Variants in GPC6 observed in about 807,000 individuals in gnomAD.
GPC6 encodes glypican-6.
In GPC6, 14 loss-of-function variants were observed where a neutral mutation model predicts 55.2. The ratio of observed to expected loss-of-function variants is 0.25; its 90% CI spans 0.17 to 0.40. The LOEUF (loss-of-function observed/expected upper bound fraction) is 0.40, where lower values mean the gene tolerates loss of function less well. Among genes scored for constraint, GPC6 ranks in the 10% least tolerant of loss-of-function variants. GPC6 has a pLI of 1.00. For missense variants in GPC6, 641 were observed against 708.5 expected, an observed-to-expected ratio of 0.90 and a Z score of 1.08; for synonymous variants, 278 against 259.6, an observed-to-expected ratio of 1.07 and a Z score of -0.68.
intron 1 of GPC6, among the ~76,000 whole-genome samples, chr13:93,238,129 G>T (rs546913169): frequency 6.6e-6 from 1 of 152,192 alleles, no homozygotes; most frequent in Non-Finnish European, 1.5e-5. Context: ...GATAGAAATT[G>T]CATTGAATCT....
chr13:94,198,550 AAT>A (rs1261410828), intron 4 of GPC6, among the ~76,000 whole-genome samples: 1 of 152,224 alleles, frequency 6.6e-6, no homozygotes, highest in African/African-American at 2.4e-5. Flanking sequence ...CACATGAAAT[AAT>A]ATAAGCTGGA....
chr13:93,938,198 C>T (rs975977225), intron 3 of GPC6, among the ~76,000 whole-genome samples: 40 of 152,138 alleles, frequency 2.6e-4, no homozygotes, highest in Middle Eastern at 3.4e-3. Context: ...AATAGTCAAA[C>T]AAAAAACTCT....
intron 4 of GPC6, among the ~76,000 whole-genome samples, chr13:94,125,518 T>C (rs1886776922): frequency 6.6e-6 from 1 of 152,126 alleles, no homozygotes; most frequent in African/African-American, 2.4e-5. Flanking sequence ...AATATAGTTA[T>C]TCATTTTGAA....
intron 1 of GPC6, among the ~76,000 whole-genome samples, chr13:93,326,890 A>C (rs1419984239): frequency 6.6e-6 from 1 of 152,208 alleles, no homozygotes; most frequent in Non-Finnish European, 1.5e-5. Context: ...AGAAGATAGC[A>C]AATGTCATTT....
At chr13:93,230,534 C>T (rs1353389538) in intron 1 of GPC6, among the ~76,000 whole-genome samples, 1 of 152,070 alleles carries the variant, frequency 6.6e-6, no homozygotes, top group Admixed American at 6.5e-5. Flanking sequence ...CTCTTGATCC[C>T]CTTTCAGCAA....
chr13:93,791,762 A>C (rs1886042339), intron 2 of GPC6, among the ~76,000 whole-genome samples: 2 of 152,230 alleles, frequency 1.3e-5, no homozygotes, highest in Admixed American at 1.3e-4. Flanking sequence ...TTGGAAGACT[A>C]TTCCTGGGGC....
chr13:93,925,653 GACA>G (rs1877819101), intron 3 of GPC6, among the ~76,000 whole-genome samples: 1 of 152,148 alleles, frequency 6.6e-6, no homozygotes, highest in Non-Finnish European at 1.5e-5. Context: ...TGTGGCATAA[GACA>G]ACAACCATAT....
At chr13:93,935,794 C>A (rs1007813608) in intron 3 of GPC6, among the ~76,000 whole-genome samples, 2 of 151,994 alleles carry the variant, frequency 1.3e-5, no homozygotes, top group Non-Finnish European at 2.9e-5. Flanking sequence ...CATTTCATAC[C>A]CCTCAGGCAG....
intron 4 of GPC6, among the ~76,000 whole-genome samples, chr13:94,164,375 A>T (rs1481966770): frequency 1.3e-5 from 2 of 152,190 alleles, no homozygotes; most frequent in Non-Finnish European, 2.9e-5. Flanking sequence ...CCAAATGAGA[A>T]AACTCAGGCC....
intron 3 of GPC6, among the ~76,000 whole-genome samples, chr13:93,851,210 C>G (rs1888382672): frequency 6.6e-6 from 1 of 151,954 alleles, no homozygotes; most frequent in East Asian, 1.9e-4. Flanking sequence ...TAGAATTCAA[C>G]CTGTTTTGCT....
At chr13:93,964,365 G>A (rs1004789608) in intron 3 of GPC6, among the ~76,000 whole-genome samples, 4 of 152,072 alleles carry the variant, frequency 2.6e-5, no homozygotes, top group East Asian at 1.9e-4. Flanking sequence ...AAAAAAGGCC[G>A]TAAAAGGAGC....
At chr13:93,969,584 C>A (rs1364460278) in intron 3 of GPC6, among the ~76,000 whole-genome samples, 2 of 152,026 alleles carry the variant, frequency 1.3e-5, no homozygotes, top group African/African-American at 4.8e-5. Flanking sequence ...ATACCATTAA[C>A]AAACTAAGAC....
the GPC6 span, among the ~76,000 whole-genome samples, chr13:93,220,781 ATATT>A: frequency 6.6e-6 from 1 of 152,242 alleles, no homozygotes; most frequent in Admixed American, 6.5e-5. Context: ...ATATTTAAAT[ATATT>A]TAATACCTAA....
At chr13:93,670,750 C>G (rs549366668) in intron 2 of GPC6, among the ~76,000 whole-genome samples, 2 of 152,190 alleles carry the variant, frequency 1.3e-5, no homozygotes, top group Non-Finnish European at 2.9e-5. Flanking sequence ...AATTCAGTAG[C>G]AGAATAGCTC....
chr13:93,594,171 A>G (rs1877620853), intron 2 of GPC6, among the ~76,000 whole-genome samples: 3 of 149,918 alleles, frequency 2.0e-5, no homozygotes, highest in African/African-American at 2.5e-5. Flanking sequence ...TTTACTTTTT[A>G]TTTTTAGCTT....
At chr13:94,162,941 C>T (rs1888219948) in intron 4 of GPC6, among the ~76,000 whole-genome samples, 1 of 152,124 alleles carries the variant, frequency 6.6e-6, no homozygotes, top group African/African-American at 2.4e-5. Flanking sequence ...AGACCAGAGT[C>T]GTCCAAGAAA....
intron 1 of GPC6, among the ~76,000 whole-genome samples, chr13:93,364,840 C>T (rs1444153748): frequency 6.6e-6 from 1 of 151,648 alleles, no homozygotes; most frequent in Non-Finnish European, 1.5e-5. Context: ...TATTGACTCT[C>T]CTTCTCCTCT....
intron 2 of GPC6, among the ~76,000 whole-genome samples, chr13:93,638,804 T>C (rs760318820): frequency 6.6e-6 from 1 of 152,194 alleles, no homozygotes; most frequent in Non-Finnish European, 1.5e-5. Context: ...ATAAAGTTCA[T>C]GTATATATAG....
At chr13:93,918,665 G>A (rs571393870) in intron 3 of GPC6, among the ~76,000 whole-genome samples, 59 of 152,292 alleles carry the variant, frequency 3.9e-4, no homozygotes, top group Non-Finnish European at 5.9e-4. Context: ...GTTTTTGGAT[G>A]TCTGTAGTGT....
Sources: gnomAD v4.1 joint callset for allele counts (sites outside exome capture counted in the v4.1 genomes callset) on GRCh38, gnomAD v4.1.1 for gene constraint, MANE v1.5 for transcripts, NCBI Gene and HGNC (gene_info 2026-07-23, HGNC 2026-07-21) for gene names.